GRID2: variants seen among roughly 807,000 people sequenced by gnomAD.
GRID2 encodes the protein glutamate ionotropic receptor delta type subunit 2, also known as glutamate receptor ionotropic, delta-2.
A neutral mutation model predicts 114.8 loss-of-function variants in GRID2; 33 were observed. That is an observed-to-expected ratio of 0.29 (90% CI 0.22 to 0.38). The LOEUF is 0.38. Ranked by LOEUF, GRID2 falls within the 10% of genes least tolerant of loss-of-function variation. The pLI is 1.00. For missense variants in GRID2, 1,184 were observed against 1,257.7 expected, an observed-to-expected ratio of 0.94 and a Z score of 0.89; for synonymous variants, 505 against 449.9, an observed-to-expected ratio of 1.12 and a Z score of -1.55.
intron 10 of GRID2, among the ~76,000 whole-genome samples, chr4:93,432,338 A>T (rs1769492944): frequency 6.6e-6 from 1 of 152,226 alleles, no homozygotes; most frequent in African/African-American, 2.4e-5. Context: ...GAATTAAATG[A>T]GATGAAAGAA....
intron 2 of GRID2, among the ~76,000 whole-genome samples, chr4:92,725,573 T>G (rs1736029110): frequency 6.6e-6 from 1 of 152,184 alleles, no homozygotes. Flanking sequence ...GGCTTCATTT[T>G]AGATCTTATT....
intron 8 of GRID2, among the ~76,000 whole-genome samples, chr4:93,298,210 T>A (rs964568869): frequency 6.6e-6 from 1 of 152,224 alleles, no homozygotes; most frequent in Non-Finnish European, 1.5e-5. Context: ...TGTCTCCTTC[T>A]TCCTCAGTCT....
intron 13 of GRID2, among the ~76,000 whole-genome samples, chr4:93,550,732 A>G (rs1194278797): frequency 6.6e-6 from 1 of 152,242 alleles, no homozygotes; most frequent in Non-Finnish European, 1.5e-5. Context: ...TAATCCTTAA[A>G]TAAAGCTGAA....
chr4:93,046,583 T>A (rs1361868692), intron 2 of GRID2, among the ~76,000 whole-genome samples: 8 of 152,054 alleles, frequency 5.3e-5, no homozygotes, highest in Non-Finnish European at 1.2e-4. Context: ...TATATTATTC[T>A]GTACTCGTAT....
intron 2 of GRID2, among the ~76,000 whole-genome samples, chr4:92,704,705 C>CTCTCTCTCTCTCTCTCTT (rs1734858042): frequency 7.1e-6 from 1 of 141,096 alleles, no homozygotes; most frequent in East Asian, 2.1e-4. Context: ...CAATCAATCT[C>CTCTCTCTCTCTCTCTCTT]TCTCTCTCTC....
intron 1 of GRID2, among the ~76,000 whole-genome samples, chr4:92,575,929 G>A (rs776740233): frequency 2.0e-5 from 3 of 152,172 alleles, no homozygotes; most frequent in Non-Finnish European, 4.4e-5. Flanking sequence ...CCTCCCATGA[G>A]AAGGAGTGGA....
At chr4:93,340,868 A>G (rs1759577238) in intron 8 of GRID2, among the ~76,000 whole-genome samples, 1 of 152,176 alleles carries the variant, frequency 6.6e-6, no homozygotes, top group South Asian at 2.1e-4. Context: ...AACTGCCCAT[A>G]TAGATTTTCA....
At chr4:92,949,923 A>G (rs1751907824) in intron 2 of GRID2, among the ~76,000 whole-genome samples, 2 of 152,090 alleles carry the variant, frequency 1.3e-5, no homozygotes, top group Non-Finnish European at 2.9e-5. Flanking sequence ...TGAACCTGCA[A>G]TTGGCCATCT....
chr4:93,341,703 G>A (rs1175355369), intron 8 of GRID2, among the ~76,000 whole-genome samples: 1 of 152,144 alleles, frequency 6.6e-6, no homozygotes, highest in Admixed American at 6.5e-5. Context: ...ATAAAGTGGA[G>A]TAGACCAATG....
intron 2 of GRID2, among the ~76,000 whole-genome samples, chr4:92,849,138 G>A (rs905269488): frequency 2.0e-5 from 3 of 151,920 alleles, no homozygotes; most frequent in African/African-American, 7.2e-5. Flanking sequence ...CCCCAGCACT[G>A]AATTGAAACT....
chr4:92,697,241 C>T (rs1191681747), intron 2 of GRID2, among the ~76,000 whole-genome samples: 1 of 152,042 alleles, frequency 6.6e-6, no homozygotes, highest in Admixed American at 6.6e-5. Flanking sequence ...CCATGGAAGG[C>T]TTTTTGGAGT....
At chr4:93,645,570 T>C (rs1253401365) in intron 14 of GRID2, among the ~76,000 whole-genome samples, 6 of 152,154 alleles carry the variant, frequency 3.9e-5, no homozygotes, top group Admixed American at 2.0e-4. Flanking sequence ...TCCTATTCTT[T>C]CCATTCCATG....
chr4:93,388,418 T>C (rs370369197), intron 8 of GRID2, among the ~76,000 whole-genome samples: 1 of 152,172 alleles, frequency 6.6e-6, no homozygotes, highest in South Asian at 2.1e-4. Flanking sequence ...GGGATCTTTT[T>C]TTATAACTCC....
At chr4:93,154,818 C>T (rs1353419157) in intron 4 of GRID2, among the ~76,000 whole-genome samples, 1 of 151,876 alleles carries the variant, frequency 6.6e-6, no homozygotes, top group Non-Finnish European at 1.5e-5. Flanking sequence ...TTTTCCTCTA[C>T]TGCAATTCTG....
chr4:93,788,086 G>A (rs1319893182), intron 1 of GRID2, among the ~76,000 whole-genome samples: 1 of 152,100 alleles, frequency 6.6e-6, no homozygotes, highest in Non-Finnish European at 1.5e-5. Context: ...GGAGGCCGAG[G>A]CGGGTGGATC....
chr4:92,553,304 G>A (rs189657063), intron 1 of GRID2, among the ~76,000 whole-genome samples: 237 of 152,024 alleles, frequency 1.6e-3, no homozygotes, highest in African/African-American at 5.4e-3. Context: ...TTTTTTTGGT[G>A]GTATAATCTG....
chr4:93,662,329 A>AAATGT (rs1367982355), intron 14 of GRID2, among the ~76,000 whole-genome samples: 1 of 152,114 alleles, frequency 6.6e-6, no homozygotes, highest in Non-Finnish European at 1.5e-5. Context: ...GGCACACTAT[A>AAATGT]AATATTATGT....
chr4:92,723,703 T>G (rs1054846303), intron 2 of GRID2, among the ~76,000 whole-genome samples: 2 of 152,160 alleles, frequency 1.3e-5, no homozygotes, highest in African/African-American at 4.8e-5. Flanking sequence ...TAATGAAGAA[T>G]GGCCAGGATG....
intron 14 of GRID2, among the ~76,000 whole-genome samples, chr4:93,716,654 A>T (rs1728927967): frequency 6.6e-6 from 1 of 151,914 alleles, no homozygotes; most frequent in Non-Finnish European, 1.5e-5. Flanking sequence ...TGTGCTATAT[A>T]TACATTTATA....
Sources: gnomAD v4.1 joint callset for allele counts (sites outside exome capture counted in the v4.1 genomes callset) on GRCh38, gnomAD v4.1.1 for gene constraint, MANE v1.5 for transcripts, NCBI Gene and HGNC (gene_info 2026-07-23, HGNC 2026-07-21) for gene names.